EPG5: variants seen among roughly 807,000 people sequenced by gnomAD.
The protein encoded by EPG5 is ectopic P-granules 5 autophagy tethering factor, also known as ectopic P granules protein 5 homolog.
Under a neutral mutation model 302.7 loss-of-function variants are expected in EPG5, and 159 were observed. That is an observed-to-expected ratio of 0.53 (90% CI 0.46 to 0.60). The LOEUF (loss-of-function observed/expected upper bound fraction) is 0.60, where lower values mean the gene tolerates loss of function less well. EPG5 is among the 20% of genes least tolerant of loss of function. EPG5 has a pLI of 0.00. For synonymous variants in EPG5, 1,158 were observed against 1,136.8 expected, an observed-to-expected ratio of 1.02 and a Z score of -0.37; for missense variants, 2,896 against 3,092.4, an observed-to-expected ratio of 0.94 and a Z score of 1.51.
chr18:45,895,381 A>G (rs1256541301), intron 27 of EPG5, among the ~76,000 whole-genome samples: 1 of 152,212 alleles, frequency 6.6e-6, no homozygotes, highest in Non-Finnish European at 1.5e-5. Context: ...TCAACATATG[A>G]GTAAATAGCT....
At chr18:45,935,031 C>A in intron 10 of EPG5, 65 bp from the exon 11 acceptor site, 1 of 1,469,240 alleles carries the variant, frequency 6.8e-7, no homozygotes, top group South Asian at 1.3e-5. Flanking sequence ...AGTAGACAAA[C>A]CATTGGCTCT....
chr18:45,863,728 C>T (rs1484925823), intron 39 of EPG5, among the ~76,000 whole-genome samples: 1 of 152,202 alleles, frequency 6.6e-6, no homozygotes, highest in East Asian at 1.9e-4. Context: ...CACTGTCTTA[C>T]AGATTCTTTT....
chr18:45,950,888 A>G (rs1256213234), intron 4 of EPG5, among the ~76,000 whole-genome samples: 1 of 152,236 alleles, frequency 6.6e-6, no homozygotes, highest in Non-Finnish European at 1.5e-5. Flanking sequence ...TTCATTTAGC[A>G]TAATCTTTAC....
chr18:45,831,239 T>G, the EPG5 span, among the ~76,000 whole-genome samples: 3 of 152,228 alleles, frequency 2.0e-5, no homozygotes, highest in African/African-American at 7.2e-5. Context: ...TTGTGATGGC[T>G]CAAAGCCTTC....
At chr18:45,935,541 T>A (rs2050503206) in intron 10 of EPG5, among the ~76,000 whole-genome samples, 1 of 152,052 alleles carries the variant, frequency 6.6e-6, no homozygotes, top group Non-Finnish European at 1.5e-5. Flanking sequence ...AAACTCCAAC[T>A]CAAAAATAAT....
chr18:45,954,560 C>A lies in EPG5; in HGVS notation c.842G>T (p.Ser281Ile). ...NVESYLEEFD[S>I]MAHQDRHEFY... is the part of the protein sequence containing the mutation. ...TTCATGCCTGTCTTGATGAGCCATG[C>A]TGTCAAATTCTTCTAAATATGACTC... The change falls in exon 2 of 44, where the codon AGC becomes ATC. Residue 281 changes from serine to isoleucine, a missense_variant. Coordinates refer to ENST00000282041, the MANE Select transcript of EPG5 (RefSeq NM_020964.3). 6.2e-7 allele frequency: 1 copy of A among 1,614,258 alleles called. No individual in the cohort carries two copies. Among genetic ancestry groups the A allele is most frequent in the Non-Finnish European group, 8.5e-7 (1 of 1,180,036 alleles).
chr18:45,961,590 G>T (rs2051150602), intron 1 of EPG5, among the ~76,000 whole-genome samples: 1 of 152,162 alleles, frequency 6.6e-6, no homozygotes, highest in Non-Finnish European at 1.5e-5. Flanking sequence ...GCTGGGCATG[G>T]TGGCTCAAGC....
chr18:45,905,792 C>A (rs1466433640), intron 24 of EPG5, among the ~76,000 whole-genome samples: 2 of 152,206 alleles, frequency 1.3e-5, no homozygotes, highest in South Asian at 2.1e-4. Context: ...CAGGATAAAT[C>A]TCAGAGAACC....
chr18:45,866,781 A>T lies in EPG5; in HGVS notation c.6621+17T>A, dbSNP rs768745955. ...TCCAGGAACAGTCTCTGCCTTTTAA[A>T]CTACCTCTCAACTTACAAGATGCTT... is the stretch of plus-strand genomic sequence containing the variant. On this transcript the variant is annotated intron_variant, in intron 38 of 43. Transcript: ENST00000282041. The T allele has an allele frequency of 1.9e-6, 3 of 1,600,606 alleles. No individual in the cohort carries two copies. Among genetic ancestry groups the T allele is most frequent in the Admixed American group, 3.3e-5 (2 of 59,972 alleles).
At chr18:45,834,811 G>A in the EPG5 span, among the ~76,000 whole-genome samples, 1 of 152,246 alleles carries the variant, frequency 6.6e-6, no homozygotes, top group East Asian at 1.9e-4. Context: ...GCCTGGCTCT[G>A]TGATGCCTGC....
In EPG5 at chr18:45,928,957, T is replaced by C; in HGVS notation, c.2465A>G (p.Glu822Gly). ...AACAGCTGTGATAGTCCCTAAAAGC[T>C]CTCGACCAACCTTTGAAAAAGTCTC... ...TRETFSKVGR[E>G]LLGTITAVHP... The change falls in exon 13 of 44, where the codon GAG (glutamate) becomes GGG (glycine). Residue 822 changes from glutamate to glycine, a missense_variant. Glu to Gly is a moderately conservative substitution (Grantham distance 98, BLOSUM62 -2). Transcript: ENST00000282041. 1 of 1,613,860 alleles carries C rather than the reference T, an allele frequency of 6.2e-7. No individual in the cohort carries two copies. The highest frequency in any genetic ancestry group is 1.3e-5 in the African/African-American group (1 of 74,978).
At chr18:45,940,204 G>A (rs951398499) in intron 9 of EPG5, among the ~76,000 whole-genome samples, 2 of 152,176 alleles carry the variant, frequency 1.3e-5, no homozygotes, top group Non-Finnish European at 2.9e-5. Context: ...ATGCAAAAGC[G>A]CCGAGGGGTG....
chr18:45,947,000 C>T (rs1315959953), intron 6 of EPG5, among the ~76,000 whole-genome samples: 1 of 152,258 alleles, frequency 6.6e-6, no homozygotes, highest in Non-Finnish European at 1.5e-5. Context: ...AGCAGCTACA[C>T]TAGCACAGCT....
rs778070720 is a variant in EPG5 at position 45,851,411 on chromosome 18, A to C, written c.*1056T>G. 8 of 152,218 alleles carry C rather than the reference A, an allele frequency of 5.3e-5. No individual in the cohort carries two copies. Among genetic ancestry groups the C allele is most frequent in the Non-Finnish European group, 1.0e-4 (7 of 68,034 alleles). 9.4% of individuals were successfully genotyped at this position (152,218 alleles called of 1,614,324 possible). A position where few individuals can be genotyped will look rare whatever the true frequency, so the allele number is the denominator to read the frequency against. ...TAATGAATGAACTGTCAACAACAGA[A>C]GGCACGTGGCTATGGAAAAAAAGCC... On this transcript the variant is annotated 3_prime_UTR_variant, in exon 44 of 44. Coordinates refer to ENST00000282041, the MANE Select transcript of EPG5 (RefSeq NM_020964.3).
At chr18:45,933,729 T>C (rs918689423) in intron 11 of EPG5, among the ~76,000 whole-genome samples, 6 of 152,282 alleles carry the variant, frequency 3.9e-5, no homozygotes, top group South Asian at 4.1e-4. Context: ...GAAACTACTT[T>C]GCAAACAGTA....
the EPG5 span, among the ~76,000 whole-genome samples, chr18:45,820,827 G>C: frequency 6.6e-6 from 1 of 152,214 alleles, no homozygotes; most frequent in Admixed American, 6.5e-5. Context: ...GATGTCATGG[G>C]GAATATAAAT....
chr18:45,896,690 G>T (rs548670080), intron 27 of EPG5, among the ~76,000 whole-genome samples: 1 of 152,062 alleles, frequency 6.6e-6, no homozygotes, highest in African/African-American at 2.4e-5. Flanking sequence ...GACCACAGGC[G>T]TGCGCCACCA....
At position 45,849,330 on chromosome 18, in the gene EPG5, C is replaced by T. The variant is rs1464418721; in HGVS notation, c.*3137G>A. The T allele has an allele frequency of 1.3e-5, 2 of 152,288 alleles. No individual in the cohort carries two copies. Among genetic ancestry groups the T allele is most frequent in the Non-Finnish European group, 2.9e-5 (2 of 68,140 alleles). 9.4% of individuals were successfully genotyped at this position (152,288 alleles called of 1,614,324 possible). On this transcript the variant is annotated 3_prime_UTR_variant, in exon 44 of 44. Transcript: ENST00000282041. The stretch of plus-strand genomic sequence containing the variant: ...CAGAGCCTGCGGATGGCAGCCTAGG[C>T]CTGCCCATCACAGGCTGGACCACCA...
At chr18:45,908,173 T>C in intron 23 of EPG5, 92 bp from the exon 24 acceptor site, 1 of 1,033,110 alleles carries the variant, frequency 9.7e-7, no homozygotes, top group Non-Finnish European at 1.4e-6. Context: ...CACCCCTACA[T>C]AAGAGTAAAG....
Sources: gnomAD v4.1 joint callset for allele counts (sites outside exome capture counted in the v4.1 genomes callset) on GRCh38, gnomAD v4.1.1 for gene constraint, MANE v1.5 for transcripts, NCBI Gene and HGNC (gene_info 2026-07-23, HGNC 2026-07-21) for gene names.